Variants in RTN3 observed in about 807,000 individuals in gnomAD.
RTN3 encodes the protein reticulon-3.
RTN3 carries 49 observed loss-of-function variants against 77.8 expected under a neutral mutation model. That is an observed-to-expected ratio of 0.63 (90% CI 0.50 to 0.80). The LOEUF (loss-of-function observed/expected upper bound fraction) is 0.80. RTN3 is among the 30% of genes least tolerant of loss of function. The probability of loss-of-function intolerance (pLI) is 0.00; values close to 1 mark genes in which losing one functional copy is unlikely to be tolerated. For synonymous variants in RTN3, 464 were observed against 446.9 expected (o/e 1.04, Z -0.48); for missense variants, 1,236 against 1,211.9 (o/e 1.02, Z -0.29).
chr11:63,713,910 GTA>G, intron 2 of RTN3: 1 of 460,432 alleles, frequency 2.2e-6, no homozygotes, highest in South Asian at 1.6e-5. Context: ...GCTTTACAGT[GTA>G]TAGTATTTTA....
At position 63,758,234 on chromosome 11, in the gene RTN3, A is replaced by C. The variant is rs1241309491; in HGVS notation, c.*33A>C. ...GAAACCAGAAATGCAACAGTTACTA[A>C]AACACCATTTAATAGTTATAACGTC... On this transcript the variant is annotated 3_prime_UTR_variant, in exon 9 of 9. Transcript: ENST00000377819. 13 of 1,613,718 alleles carry C rather than the reference A, an allele frequency of 8.1e-6. No individual in the cohort carries two copies. The highest frequency in any genetic ancestry group is 1.3e-5 in the African/African-American group (1 of 74,940).
chr11:63,729,082 CA>C (rs368868381), intron 3 of RTN3, among the ~76,000 whole-genome samples: 1 of 150,038 alleles, frequency 6.7e-6, no homozygotes, highest in Non-Finnish European at 1.5e-5. Context: ...AAAAAAACAA[CA>C]AAAAAAACAA....
intron 3 of RTN3, among the ~76,000 whole-genome samples, chr11:63,723,490 C>T (rs1488758963): frequency 6.7e-6 from 1 of 149,792 alleles, no homozygotes; most frequent in Non-Finnish European, 1.5e-5. Flanking sequence ...GTGGCGCGAT[C>T]TCGGCTCACT....
At chr11:63,704,220 T>G (rs1419500224) in intron 1 of RTN3, among the ~76,000 whole-genome samples, 5 of 151,170 alleles carry the variant, frequency 3.3e-5, no homozygotes, top group African/African-American at 1.2e-4. Context: ...CCAGGCTGGT[T>G]TCGAACTCCT....
At chr11:63,722,829 A>T (rs926029165) in intron 3 of RTN3, among the ~76,000 whole-genome samples, 1 of 152,182 alleles carries the variant, frequency 6.6e-6, no homozygotes, top group Non-Finnish European at 1.5e-5. Context: ...ATGGTCTTCA[A>T]TTATCATTTA....
At chr11:63,706,238 A>G (rs371682378) in intron 2 of RTN3, among the ~76,000 whole-genome samples, 22 of 152,204 alleles carry the variant, frequency 1.4e-4, no homozygotes, top group African/African-American at 2.4e-4. Flanking sequence ...CTGAAGGGCA[A>G]TGGCACTTCA....
intron 2 of RTN3, 59 bp from the exon 3 acceptor site, chr11:63,718,643 C>A: frequency 7.6e-7 from 1 of 1,312,618 alleles, no homozygotes; most frequent in Non-Finnish European, 1.0e-6. Flanking sequence ...CTTGGCTTGG[C>A]TAGCTAATGT....
chr11:63,706,921 G>C lies in RTN3; in HGVS notation c.199+2014G>C, dbSNP rs368915943. Among the ~76,000 whole-genome samples the C allele has an allele frequency of 6.1e-5, 9 of 146,362 alleles. No individual in the cohort carries two copies. In the South Asian group the frequency reaches 8.6e-4, roughly 14 times the overall value. On this transcript the variant is annotated intron_variant, in intron 2 of 8. Transcript: ENST00000377819. The stretch of plus-strand genomic sequence containing the variant: ...TTTTTCTTTTTTTTTTTTTGAGATG[G>C]AGTCTTACTCTGTCACCCAGGCTGG...
At chr11:63,738,188 C>T (rs1258147128) in intron 3 of RTN3, among the ~76,000 whole-genome samples, 1 of 152,180 alleles carries the variant, frequency 6.6e-6, no homozygotes, top group Non-Finnish European at 1.5e-5. Flanking sequence ...ACTGTTTCCC[C>T]TTTATTAACA....
intron 3 of RTN3, among the ~76,000 whole-genome samples, chr11:63,724,486 T>C (rs1484148393): frequency 8.6e-6 from 1 of 116,006 alleles, no homozygotes; most frequent in East Asian, 2.3e-4. Flanking sequence ...GCCCGGCCCT[T>C]TTTTTTTTTT....
rs150281108 is a variant in RTN3 at position 63,733,621 on chromosome 11, A to G, written c.2530+12589A>G. On this transcript the variant is annotated intron_variant, in intron 3 of 8. Coordinates refer to ENST00000377819, the MANE Select transcript of RTN3 (RefSeq NM_001265589.2). ...GCAGTGGCTCATTCCTGTAATCTCAACACTCTGGGAGGCTGAGGTGGGAGA... is the reference window on the plus strand; with the variant it reads ...GCAGTGGCTCATTCCTGTAATCTCAGCACTCTGGGAGGCTGAGGTGGGAGA... Among the ~76,000 whole-genome samples the G allele has an allele frequency of 2.0e-3, 302 of 152,130 alleles. 2 individuals carry two copies. Among genetic ancestry groups the G allele is most frequent in the African/African-American group, 7.0e-3 (291 of 41,514 alleles).
intron 3 of RTN3, among the ~76,000 whole-genome samples, chr11:63,734,043 A>G (rs1323737105): frequency 2.0e-5 from 3 of 152,236 alleles, no homozygotes; most frequent in Non-Finnish European, 4.4e-5. Context: ...AGAATTTTCT[A>G]CAAACAAGGA....
Position 63,719,738 on chromosome 11 carries a change from A to G in RTN3, c.1236A>G (p.Gln412=). ...ATTGGGCAGAAGCATCTCTCCAGCA[A>G]GAAAATGCTATTACTGGAAAACCTG... The part of the protein sequence containing the change: ...TGDWAEASLQ[Q]ENAITGKPVP... The change falls in exon 3 of 9, where the codon CAA becomes CAG. Residue 412 remains glutamine, a synonymous_variant. Transcript: ENST00000377819. The G allele has an allele frequency of 6.2e-7, 1 of 1,614,202 alleles. No homozygotes were observed. The highest frequency in any genetic ancestry group is 8.5e-7 in the Non-Finnish European group (1 of 1,180,030).
chr11:63,727,772 C>T (rs929735718), intron 3 of RTN3, among the ~76,000 whole-genome samples: 6 of 152,018 alleles, frequency 3.9e-5, no homozygotes, highest in African/African-American at 1.5e-4. Flanking sequence ...CCCAGGAGTG[C>T]GAGACCTGCA....
chr11:63,692,641 G>A (rs1423808893), intron 1 of RTN3, among the ~76,000 whole-genome samples: 1 of 151,982 alleles, frequency 6.6e-6, no homozygotes, highest in African/African-American at 2.4e-5. Flanking sequence ...TGCGCCTGTA[G>A]TTCCAGCTAC....
intron 2 of RTN3, among the ~76,000 whole-genome samples, chr11:63,711,920 C>A (rs1158575508): frequency 1.3e-5 from 2 of 151,850 alleles, no homozygotes; most frequent in African/African-American, 4.8e-5. Context: ...GCTCGTCTAA[C>A]TCCTGGGCTC....
At chr11:63,709,272 A>G (rs1316764296) in intron 2 of RTN3, among the ~76,000 whole-genome samples, 1 of 152,222 alleles carries the variant, frequency 6.6e-6, no homozygotes. Flanking sequence ...TAGTGATATA[A>G]TTTAGTATCA....
intron 3 of RTN3, among the ~76,000 whole-genome samples, chr11:63,736,553 T>C (rs1460129950): frequency 1.3e-5 from 2 of 152,150 alleles, no homozygotes; most frequent in East Asian, 3.9e-4. Context: ...CTGGATGTGG[T>C]GGCACACACC....
chr11:63,707,243 C>T (rs551021036), intron 2 of RTN3, among the ~76,000 whole-genome samples: 1 of 152,166 alleles, frequency 6.6e-6, no homozygotes, highest in East Asian at 1.9e-4. Context: ...ATACTCTAAA[C>T]GGTGTAACGG....
Sources: allele counts gnomAD v4.1 joint callset (sites outside exome capture counted in the v4.1 genomes callset), GRCh38; gene constraint gnomAD v4.1.1; transcripts MANE v1.5; gene names NCBI Gene and HGNC (gene_info 2026-07-23, HGNC 2026-07-21).